The following COL4A3 variants were observed in gnomAD, a reference collection of about 807,000 sequenced individuals.
COL4A3 encodes the protein collagen alpha-3(IV) chain.
A neutral mutation model predicts 217.4 loss-of-function variants in COL4A3; 135 were observed. That is an observed-to-expected ratio of 0.62 (90% CI 0.54 to 0.72). The LOEUF is 0.72. COL4A3 is among the 30% of genes least tolerant of loss of function. The pLI is 0.00. For missense variants in COL4A3, 1,868 were observed against 2,119.9 expected (o/e 0.88, Z 2.33); for synonymous variants, 690 against 736.3 (o/e 0.94, Z 1.02).
At chr2:227,293,143 C>T in intron 37 of COL4A3, 48 bp from the exon 38 acceptor site, 1 of 1,611,812 alleles carries the variant, frequency 6.2e-7, no homozygotes, top group Non-Finnish European at 8.5e-7. Flanking sequence ...ATTCTTACCA[C>T]ATATCCTGCT....
At chr2:227,187,586 T>A (rs1160240919) in intron 1 of COL4A3, among the ~76,000 whole-genome samples, 1 of 152,212 alleles carries the variant, frequency 6.6e-6, no homozygotes, top group Non-Finnish European at 1.5e-5. Flanking sequence ...AGTTAGTTCT[T>A]GAGGCAGGTC....
chr2:227,192,811 G>C (rs1052421028), intron 1 of COL4A3, among the ~76,000 whole-genome samples: 2 of 151,878 alleles, frequency 1.3e-5, no homozygotes, highest in African/African-American at 4.8e-5. Flanking sequence ...TTGGAACAGT[G>C]TTTCTCAAAC....
chr2:227,177,927 C>T (rs1481062125), intron 1 of COL4A3, among the ~76,000 whole-genome samples: 1 of 152,092 alleles, frequency 6.6e-6, no homozygotes, highest in Non-Finnish European at 1.5e-5. Flanking sequence ...TAATGTTGGC[C>T]ATTGGGAAAT....
chr2:227,243,766 CA>C (rs2069160911), intron 3 of COL4A3, among the ~76,000 whole-genome samples: 1 of 152,168 alleles, frequency 6.6e-6, no homozygotes, highest in Admixed American at 6.5e-5. Flanking sequence ...ATTACATGCC[CA>C]AAGCAAGTTT....
At chr2:227,177,434 C>T (rs945049574) in intron 1 of COL4A3, among the ~76,000 whole-genome samples, 1 of 152,134 alleles carries the variant, frequency 6.6e-6, no homozygotes, top group African/African-American at 2.4e-5. Context: ...GGATTACAGG[C>T]TTAAGCCACC....
intron 19 of COL4A3, among the ~76,000 whole-genome samples, chr2:227,260,260 C>T (rs978926963): frequency 2.6e-5 from 4 of 152,318 alleles, no homozygotes; most frequent in African/African-American, 9.6e-5. Flanking sequence ...TTTCCTGATG[C>T]TTGAAGCAAT....
chr2:227,295,238 A>G, intron 40 of COL4A3, 31 bp from the exon 41 acceptor site: 2 of 1,610,978 alleles, frequency 1.2e-6, no homozygotes, highest in Non-Finnish European at 1.7e-6. Context: ...AAATTGACCA[A>G]TTATTAACAT....
At chr2:227,172,518 G>C (rs1246822883) in intron 1 of COL4A3, among the ~76,000 whole-genome samples, 3 of 143,234 alleles carry the variant, frequency 2.1e-5, no homozygotes, top group African/African-American at 7.7e-5. Context: ...CTTCTTCTTC[G>C]TCTTTGTCAT....
Position 227,251,493 on chromosome 2 carries a change from A to G in COL4A3, c.645+122A>G, listed in dbSNP as rs2069739231. On this transcript the variant is annotated intron_variant, in intron 11 of 51. Transcript: ENST00000396578. ...CTCTCTGGAACTCACAAGGATCCCTAGCAGGGAAGAGCATGGCTAGCTGCT... is the reference window on the plus strand; with the variant it reads ...CTCTCTGGAACTCACAAGGATCCCTGGCAGGGAAGAGCATGGCTAGCTGCT... 3.6e-6 allele frequency: 3 copies of G among 842,610 alleles called. No individual in the cohort carries two copies. The Admixed American group carries it at 6.1e-5, about 17-fold the overall frequency. 52.2% of individuals were successfully genotyped at this position (842,610 alleles called of 1,614,324 possible). A position where few individuals can be genotyped will look rare whatever the true frequency, so the allele number is the denominator to read the frequency against.
In COL4A3 at chr2:227,310,811, A is replaced by C. The variant is rs765140857; in HGVS notation, c.4791A>C (p.Ala1597=). The part of the protein sequence containing the change: ...TSAGSEGTGQ[A]LASPGSCLEE... The stretch of plus-strand genomic sequence containing the variant: ...CAGGTTCTGAGGGCACCGGGCAAGC[A>C]CTGGCCTCCCCTGGCTCCTGCCTGG... Residue 1597 remains alanine (A), a synonymous_variant, in exon 51 of 52, where the codon GCA becomes GCC. Transcript: ENST00000396578. 11 of 1,614,152 alleles carry C rather than the reference A, an allele frequency of 6.8e-6. No homozygotes were observed. Among genetic ancestry groups the C allele is most frequent in the Non-Finnish European group, 8.5e-6 (10 of 1,180,010 alleles).
At chr2:227,259,720 T>C in intron 18 of COL4A3, 73 bp from the exon 19 acceptor site, 6 of 1,105,074 alleles carry the variant, frequency 5.4e-6, no homozygotes, top group Non-Finnish European at 8.3e-6. Context: ...ATGAAGAAAC[T>C]GAAGTAATGA....
At chr2:227,302,674 C>G in intron 43 of COL4A3, among the ~76,000 whole-genome samples, 1 of 32,062 alleles carries the variant, frequency 3.1e-5, no homozygotes, top group East Asian at 8.7e-4. Flanking sequence ...GAGACTCTTT[C>G]TCCAAAAAAA....
At chr2:227,246,335 T>C in intron 6 of COL4A3, 1 of 504,542 alleles carries the variant, frequency 2.0e-6, no homozygotes, top group Non-Finnish European at 3.6e-6. Context: ...GACTGAGCTT[T>C]TCACTGTTCA....
intron 41 of COL4A3, 67 bp from the exon 42 acceptor site, chr2:227,297,607 G>C: frequency 1.4e-6 from 2 of 1,450,968 alleles, no homozygotes; most frequent in South Asian, 2.4e-5. Flanking sequence ...CATTATTAAA[G>C]ATAGTCAAGA....
At chr2:227,270,562 T>C (rs1013937017) in intron 24 of COL4A3, among the ~76,000 whole-genome samples, 2 of 152,218 alleles carry the variant, frequency 1.3e-5, no homozygotes, top group Non-Finnish European at 2.9e-5. Flanking sequence ...TGCTTTGAAT[T>C]ATACTATCTA....
In COL4A3 at chr2:227,246,710, C is replaced by G. The variant is rs766279179; in HGVS notation, c.413C>G (p.Pro138Arg). ...GGTGAGCAGGGGTTTCCAGGACTCC[C>G]AGGGACACTGGGCTACCCAGGGATC... ...SKGEQGFPGL[P>R]GTLGYPGIPG... Residue 138 changes from proline to arginine, a missense_variant, in exon 7 of 52, where the codon CCA becomes CGA. Pro to Arg is a moderately radical substitution (Grantham distance 103). This residue lies in a region of COL4A3 where 365 missense variants were observed against 333.8 expected (regional missense o/e 1.09). Transcript: ENST00000396578. The G allele has an allele frequency of 1.2e-6, 2 of 1,612,660 alleles. No homozygotes were observed. Among genetic ancestry groups the G allele is most frequent in the South Asian group, 1.1e-5 (1 of 91,054 alleles).
chr2:227,236,782 C>G (rs2068728969), intron 1 of COL4A3, among the ~76,000 whole-genome samples: 1 of 151,908 alleles, frequency 6.6e-6, no homozygotes, highest in Non-Finnish European at 1.5e-5. Flanking sequence ...GCCTCAGCCT[C>G]TGGAGTAGCT....
At chr2:227,226,883 T>C (rs577230460) in intron 1 of COL4A3, among the ~76,000 whole-genome samples, 1 of 152,238 alleles carries the variant, frequency 6.6e-6, no homozygotes, top group Non-Finnish European at 1.5e-5. Flanking sequence ...GTAAATATTT[T>C]AGGCTTTGCA....
chr2:227,277,664 G>A (rs545325366), intron 28 of COL4A3, 111 bp downstream of exon 28: 79 of 692,226 alleles, frequency 1.1e-4, no homozygotes, highest in Non-Finnish European at 1.8e-4. Flanking sequence ...TAGGATATAA[G>A]ATATAAAATG....
Sources: allele counts gnomAD v4.1 joint callset (sites outside exome capture counted in the v4.1 genomes callset), GRCh38; gene constraint gnomAD v4.1.1; regional missense constraint gnomAD v4.1.1; transcripts MANE v1.5; gene names NCBI Gene and HGNC (gene_info 2026-07-23, HGNC 2026-07-21).